Variants in TUSC3 observed in about 807,000 individuals in gnomAD.
TUSC3 encodes tumor suppressor candidate 3, also known as dolichyl-diphosphooligosaccharide--protein glycosyltransferase subunit TUSC3.
A neutral mutation model predicts 44.8 loss-of-function variants in TUSC3; 45 were observed. That is an observed-to-expected ratio of 1.00 (90% confidence interval 0.79 to 1.29). The LOEUF (loss-of-function observed/expected upper bound fraction) is 1.29. Among genes scored for constraint, TUSC3 ranks in the 50% most tolerant of loss-of-function variants. The probability of loss-of-function intolerance (pLI) is 0.00; values close to 1 mark genes in which losing one functional copy is unlikely to be tolerated. For missense variants in TUSC3, 519 were observed against 437.9 expected (o/e 1.19, Z -1.65); for synonymous variants, 212 against 152.9 (o/e 1.39, Z -2.85).
intron 1 of TUSC3, among the ~76,000 whole-genome samples, chr8:15,427,837 CAAG>C (rs1799823940): frequency 6.6e-6 from 1 of 152,134 alleles, no homozygotes; most frequent in African/African-American, 2.4e-5. Context: ...ACACCAATGT[CAAG>C]AAGCTTTTCC....
At chr8:15,637,306 T>G (rs1038460890) in intron 2 of TUSC3, among the ~76,000 whole-genome samples, 1 of 152,194 alleles carries the variant, frequency 6.6e-6, no homozygotes, top group East Asian at 1.9e-4. Flanking sequence ...TTATTTTCAG[T>G]CAACTCCATT....
At chr8:15,843,746 A>G in the TUSC3 span, among the ~76,000 whole-genome samples, 17 of 152,144 alleles carry the variant, frequency 1.1e-4, no homozygotes, top group African/African-American at 3.9e-4. Context: ...TATGATGTAT[A>G]TAAAACACCT....
At chr8:15,531,103 C>T (rs1000337903) in intron 2 of TUSC3, among the ~76,000 whole-genome samples, 10 of 152,090 alleles carry the variant, frequency 6.6e-5, no homozygotes, top group African/African-American at 2.4e-4. Context: ...GGGCAGCTTA[C>T]CCTAAGGGAA....
intron 1 of TUSC3, among the ~76,000 whole-genome samples, chr8:15,584,467 G>A (rs566118090): frequency 9.8e-5 from 15 of 152,292 alleles, no homozygotes; most frequent in African/African-American, 3.6e-4. Flanking sequence ...GAATCTAAAG[G>A]TAAAGAAAGT....
the TUSC3 span, among the ~76,000 whole-genome samples, chr8:15,781,623 C>T: frequency 6.6e-6 from 1 of 151,916 alleles, no homozygotes; most frequent in African/African-American, 2.4e-5. Flanking sequence ...CAGAATAGAC[C>T]AATAATGAGC....
intron 1 of TUSC3, among the ~76,000 whole-genome samples, chr8:15,553,719 C>G (rs947239029): frequency 6.6e-6 from 1 of 151,636 alleles, no homozygotes; most frequent in African/African-American, 2.4e-5. Context: ...GCCAACACTT[C>G]TTCTCAAACA....
intron 6 of TUSC3, among the ~76,000 whole-genome samples, chr8:15,696,911 C>T (rs980706776): frequency 2.0e-5 from 3 of 152,130 alleles, no homozygotes; most frequent in Non-Finnish European, 4.4e-5. Flanking sequence ...TGCTGTGAAT[C>T]TAGCTGGTCC....
chr8:15,457,506 A>G (rs981578398), intron 1 of TUSC3, among the ~76,000 whole-genome samples: 2 of 151,360 alleles, frequency 1.3e-5, no homozygotes, highest in Non-Finnish European at 2.9e-5. Context: ...TGGAAATAGT[A>G]TGGATTCACA....
intron 1 of TUSC3, among the ~76,000 whole-genome samples, chr8:15,618,653 T>A (rs1316401430): frequency 6.6e-6 from 1 of 152,152 alleles, no homozygotes; most frequent in Non-Finnish European, 1.5e-5. Flanking sequence ...AGAAAACAAA[T>A]AAGCAGAAGG....
chr8:15,470,873 G>C (rs996924755), intron 1 of TUSC3, among the ~76,000 whole-genome samples: 1 of 152,144 alleles, frequency 6.6e-6, no homozygotes. Flanking sequence ...ACGGTGGCCT[G>C]GCCAGGGCTG....
intron 2 of TUSC3, among the ~76,000 whole-genome samples, chr8:15,489,998 T>G (rs1031131721): frequency 2.0e-5 from 3 of 152,232 alleles, no homozygotes; most frequent in Admixed American, 1.3e-4. Context: ...AAGAAATTTA[T>G]CTCCTTTTGT....
At chr8:15,688,547 G>A (rs1310722194) in intron 6 of TUSC3, among the ~76,000 whole-genome samples, 3 of 151,556 alleles carry the variant, frequency 2.0e-5, no homozygotes, top group Non-Finnish European at 4.4e-5. Flanking sequence ...CAGGTAATCA[G>A]CATAGTACCC....
intron 2 of TUSC3, among the ~76,000 whole-genome samples, chr8:15,633,869 G>T (rs1462945447): frequency 1.3e-5 from 2 of 151,960 alleles, no homozygotes; most frequent in Non-Finnish European, 2.9e-5. Context: ...ACTTTGTTAT[G>T]GCCACCCAGA....
intron 1 of TUSC3, among the ~76,000 whole-genome samples, chr8:15,444,478 A>G (rs1229330410): frequency 6.6e-6 from 1 of 152,202 alleles, no homozygotes; most frequent in Non-Finnish European, 1.5e-5. Flanking sequence ...ACCTAACAGG[A>G]TTCTTGCTGT....
intron 1 of TUSC3, among the ~76,000 whole-genome samples, chr8:15,583,211 A>T (rs527984498): frequency 6.6e-6 from 1 of 152,298 alleles, no homozygotes; most frequent in African/African-American, 2.4e-5. Flanking sequence ...ATACTTTAGA[A>T]ATCTTTTTAA....
In TUSC3 at chr8:15,473,965, C is replaced by G. The variant is rs141992536; in HGVS notation, n.92-9421C>G. ...GTAAGCCTGAGGGTACTGCAGGAGACCAGGGCGTATTTTGGTCCTTATCTC... is the reference window on the plus strand; with the variant it reads ...GTAAGCCTGAGGGTACTGCAGGAGAGCAGGGCGTATTTTGGTCCTTATCTC... On this transcript the variant is annotated intron_variant and non_coding_transcript_variant, in intron 1 of 5. Transcript: ENST00000503191. 2.9e-4 allele frequency among the ~76,000 whole-genome samples: 44 copies of G among 152,170 alleles called. No individual in the cohort carries two copies. The East Asian group carries it at 8.3e-3, about 29-fold the overall frequency.
intron 5 of TUSC3, among the ~76,000 whole-genome samples, chr8:15,669,338 C>T (rs1434765398): frequency 6.6e-6 from 1 of 151,708 alleles, no homozygotes; most frequent in Non-Finnish European, 1.5e-5. Context: ...GAATAATACT[C>T]ACCTTAGGTA....
chr8:15,773,217 T>C, the TUSC3 span, among the ~76,000 whole-genome samples: 2 of 152,122 alleles, frequency 1.3e-5, no homozygotes, highest in Middle Eastern at 3.2e-3. Context: ...TGGCATGATA[T>C]ACATAAAGTA....
chr8:15,683,197 C>A (rs927992523), intron 6 of TUSC3, among the ~76,000 whole-genome samples: 1 of 152,158 alleles, frequency 6.6e-6, no homozygotes, highest in Admixed American at 6.5e-5. Flanking sequence ...TTTCATTTCT[C>A]TAGCGAGATT....
Sources: allele counts gnomAD v4.1 joint callset (sites outside exome capture counted in the v4.1 genomes callset), GRCh38; gene constraint gnomAD v4.1.1; transcripts MANE v1.5; gene names NCBI Gene and HGNC (gene_info 2026-07-23, HGNC 2026-07-21).